The following CCDC18 variants were observed in gnomAD, a reference collection of about 807,000 sequenced individuals.
CCDC18 encodes the protein coiled-coil domain containing 18, also known as coiled-coil domain-containing protein 18.
CCDC18 carries 157 observed loss-of-function variants against 196.0 expected under a neutral mutation model. The ratio of observed to expected loss-of-function variants is 0.80; its 90% CI spans 0.70 to 0.91. The LOEUF (loss-of-function observed/expected upper bound fraction) is 0.91, where lower values mean the gene tolerates loss of function less well. Ranked by LOEUF, CCDC18 falls within the 40% of genes least tolerant of loss-of-function variation. The pLI is 0.00. For synonymous variants in CCDC18, 482 were observed against 529.2 expected (o/e 0.91, Z 1.22); for missense variants, 1,465 against 1,611.6 (o/e 0.91, Z 1.56).
intron 14 of CCDC18, among the ~76,000 whole-genome samples, chr1:93,219,450 G>C (rs1397298834): frequency 1.3e-5 from 2 of 152,006 alleles, no homozygotes; most frequent in Non-Finnish European, 1.5e-5. Flanking sequence ...CTTTTGCTTT[G>C]GGGCCATTAT....
intron 14 of CCDC18, among the ~76,000 whole-genome samples, chr1:93,220,877 A>G (rs991278833): frequency 2.6e-5 from 4 of 152,126 alleles, no homozygotes; most frequent in Non-Finnish European, 1.5e-5. Flanking sequence ...GAGTACGTGC[A>G]GTATTTGGTT....
intron 18 of CCDC18, among the ~76,000 whole-genome samples, chr1:93,234,155 C>CT (rs66491830): frequency 6.6e-6 from 1 of 151,358 alleles, no homozygotes; most frequent in South Asian, 2.1e-4. Context: ...AACAAGTTCA[C>CT]TTTTTTTTCT....
intron 18 of CCDC18, among the ~76,000 whole-genome samples, 175 bp from the exon 19 acceptor site, chr1:93,236,073 G>A (rs1570502187): frequency 6.6e-6 from 1 of 152,162 alleles, no homozygotes; most frequent in East Asian, 1.9e-4. Flanking sequence ...TAATATGTAT[G>A]TGAAGTATCT....
At chr1:93,180,357 C>T, upstream of CCDC18, 1 of 1,350,924 alleles carries the variant, frequency 7.4e-7, no homozygotes, top group Non-Finnish European at 1.0e-6. Flanking sequence ...GAAGAAACTC[C>T]AGGTGGCGGC....
Position 93,278,539 on chromosome 1 carries a change from T to G in CCDC18, c.*62T>G. The G allele has an allele frequency of 3.5e-6, 3 of 845,768 alleles. No individual in the cohort carries two copies. The highest frequency in any genetic ancestry group is 3.1e-5 in the South Asian group (1 of 32,102). The allele number at this position is 845,768 out of a possible 1,614,324, so 52.4% of individuals were successfully genotyped here. On this transcript the variant is annotated 3_prime_UTR_variant, in exon 29 of 29. Transcript: ENST00000690025. ...TTTTGGTACTGTGCTGTTTACTTAT[T>G]ATATGTAGCTCATACTTCATAGAAG... is the stretch of plus-strand genomic sequence containing the variant.
Position 93,256,327 on chromosome 1 carries a change from C to CT in CCDC18, c.3343-4dup. 1 of 1,612,012 alleles carries CT rather than the reference C, an allele frequency of 6.2e-7. No homozygotes were observed. The highest frequency in any genetic ancestry group is 1.1e-5 in the South Asian group (1 of 90,954). The stretch of plus-strand genomic sequence containing the variant: ...TTCTGAAACCTACAAATACCTTATG[C>CT]TTTTCAGGTTATGAAAGAGCAAGAA... On this transcript the variant is annotated splice_region_variant and splice_polypyrimidine_tract_variant and intron_variant, in intron 24 of 28. Coordinates refer to ENST00000690025, the MANE Select transcript of CCDC18 (RefSeq NM_001378204.1).
chr1:93,209,599 A>C (rs186696837), intron 9 of CCDC18, among the ~76,000 whole-genome samples: 2 of 152,370 alleles, frequency 1.3e-5, no homozygotes, highest in East Asian at 3.9e-4. Context: ...CCAACTGGTA[A>C]GTAGTAGAAT....
At chr1:93,191,470 T>A (rs1651788944) in intron 4 of CCDC18, among the ~76,000 whole-genome samples, 1 of 152,188 alleles carries the variant, frequency 6.6e-6, no homozygotes, top group Non-Finnish European at 1.5e-5. Flanking sequence ...AACTTCTTTT[T>A]CAGTGATAGT....
chr1:93,266,244 A>G (rs947746564), intron 27 of CCDC18, among the ~76,000 whole-genome samples: 4 of 152,202 alleles, frequency 2.6e-5, no homozygotes, highest in Non-Finnish European at 5.9e-5. Flanking sequence ...TTTGAAACCA[A>G]TGAGAACAAA....
At chr1:93,196,215 C>T (rs1051884769) in intron 6 of CCDC18, among the ~76,000 whole-genome samples, 1 of 152,064 alleles carries the variant, frequency 6.6e-6, no homozygotes, top group East Asian at 1.9e-4. Context: ...CCCAGCTACT[C>T]AGGAGGTTAA....
chr1:93,190,432 A>G (rs1351605881), intron 4 of CCDC18, among the ~76,000 whole-genome samples: 1 of 152,192 alleles, frequency 6.6e-6, no homozygotes, highest in Admixed American at 6.5e-5. Context: ...GGTTGCAGTG[A>G]GCCGAGATCG....
intron 6 of CCDC18, among the ~76,000 whole-genome samples, chr1:93,195,654 G>T (rs1652606911): frequency 6.6e-6 from 1 of 152,098 alleles, no homozygotes; most frequent in Admixed American, 6.5e-5. Context: ...GAGGGAGTTT[G>T]TTCCTTTTTT....
At chr1:93,208,221 G>T (rs1292581020) in intron 9 of CCDC18, among the ~76,000 whole-genome samples, 1 of 152,186 alleles carries the variant, frequency 6.6e-6, no homozygotes, top group Non-Finnish European at 1.5e-5. Context: ...AGCAATGTAT[G>T]AGGGTTCCTG....
chr1:93,185,576 A>G (rs961350693), intron 3 of CCDC18, among the ~76,000 whole-genome samples: 2 of 141,076 alleles, frequency 1.4e-5, no homozygotes, highest in South Asian at 2.1e-4. Flanking sequence ...TTGTTCAAGT[A>G]AAAAAAAAAT....
chr1:93,226,613 A>G (rs1009299981), intron 17 of CCDC18, among the ~76,000 whole-genome samples, 164 bp downstream of exon 17: 3 of 151,602 alleles, frequency 2.0e-5, no homozygotes, highest in Non-Finnish European at 4.4e-5. Flanking sequence ...GGCTCACTTG[A>G]ACCTCTGCCT....
chr1:93,271,366 C>T (rs1203924605), intron 28 of CCDC18: 61 of 984,646 alleles, frequency 6.2e-5, no homozygotes, highest in Non-Finnish European at 7.1e-5. Context: ...TCTTTTGTCC[C>T]TTTTCTCTTT....
chr1:93,217,644 T>G, intron 13 of CCDC18, 94 bp from the exon 14 acceptor site: 6 of 1,043,384 alleles, frequency 5.8e-6, no homozygotes, highest in Non-Finnish European at 8.3e-6. Context: ...TTGCCGTGTT[T>G]CCCAGGCTAG....
chr1:93,210,779 T>TA, intron 9 of CCDC18, 23 bp from the exon 10 acceptor site: 1 of 1,546,928 alleles, frequency 6.5e-7, no homozygotes, highest in South Asian at 1.1e-5. Context: ...TAAGTTTACA[T>TA]ATGTTTGTTT....
chr1:93,197,731 ATTTCT>A (rs1465915871), intron 6 of CCDC18, among the ~76,000 whole-genome samples: 2 of 138,088 alleles, frequency 1.4e-5, no homozygotes, highest in East Asian at 2.1e-4. Flanking sequence ...ACTCTCCTGC[ATTTCT>A]TTTCTTTTCT....
Sources: gnomAD v4.1 joint callset for allele counts (sites outside exome capture counted in the v4.1 genomes callset) on GRCh38, gnomAD v4.1.1 for gene constraint, MANE v1.5 for transcripts, NCBI Gene and HGNC (gene_info 2026-07-23, HGNC 2026-07-21) for gene names.